SHB: variants seen among roughly 807,000 people sequenced by gnomAD.
The protein encoded by SHB is SH2 domain-containing adapter protein B.
In SHB, 20 loss-of-function variants were observed where a neutral mutation model predicts 52.3. The observed-to-expected ratio is 0.38, with a 90% CI of 0.27 to 0.56. The LOEUF (loss-of-function observed/expected upper bound fraction) is 0.56, where lower values mean the gene tolerates loss of function less well. SHB is among the 20% of genes least tolerant of loss of function. The probability of loss-of-function intolerance (pLI) is 0.71; values close to 1 mark genes in which losing one functional copy is unlikely to be tolerated. For synonymous variants in SHB, 397 were observed against 316.5 expected (o/e 1.25, Z -2.70); for missense variants, 825 against 723.3 (o/e 1.14, Z -1.61).
chr9:37,987,756 A>C (rs1820829149), intron 2 of SHB, among the ~76,000 whole-genome samples: 1 of 152,134 alleles, frequency 6.6e-6, no homozygotes. Context: ...ATCACGAGGA[A>C]GAGAGTGGCC....
chr9:38,015,178 G>A (rs1821194701), intron 2 of SHB, among the ~76,000 whole-genome samples: 1 of 152,214 alleles, frequency 6.6e-6, no homozygotes, highest in African/African-American at 2.4e-5. Flanking sequence ...CACAGGGGCA[G>A]CCTACACAGC....
At chr9:38,063,002 G>A (rs941328761) in intron 1 of SHB, among the ~76,000 whole-genome samples, 2 of 152,148 alleles carry the variant, frequency 1.3e-5, no homozygotes, top group Non-Finnish European at 2.9e-5. Context: ...TCTCCCAGTG[G>A]GACAGTGAGG....
intron 4 of SHB, among the ~76,000 whole-genome samples, chr9:37,953,838 G>C (rs944123444): frequency 1.3e-5 from 2 of 152,182 alleles, no homozygotes; most frequent in African/African-American, 4.8e-5. Context: ...AAACCCCTCG[G>C]GTGATGAGTC....
At chr9:37,993,489 C>T (rs1820909118) in intron 2 of SHB, among the ~76,000 whole-genome samples, 1 of 152,148 alleles carries the variant, frequency 6.6e-6, no homozygotes, top group South Asian at 2.1e-4. Flanking sequence ...AGCACACCAA[C>T]ATGGCACATG....
chr9:38,019,049 G>A (rs1300729271), intron 1 of SHB, among the ~76,000 whole-genome samples: 1 of 152,224 alleles, frequency 6.6e-6, no homozygotes, highest in Non-Finnish European at 1.5e-5. Flanking sequence ...CTGCAGGCCA[G>A]GCCACCTGGG....
In SHB at chr9:38,005,461, T is replaced by C. The variant is rs377143555; in HGVS notation, c.838+10550A>G. 3.4e-4 allele frequency among the ~76,000 whole-genome samples: 52 copies of C among 152,246 alleles called. No individual in the cohort carries two copies. The East Asian group carries it at 9.1e-3, about 27-fold the overall frequency. ...ACTGAACCTGAGGCACCGGCTACATTGCCGCCACCAAGGGAGGACTCAGAC... is the reference window on the plus strand; with the variant it reads ...ACTGAACCTGAGGCACCGGCTACATCGCCGCCACCAAGGGAGGACTCAGAC... On this transcript the variant is annotated intron_variant, in intron 2 of 5. Coordinates refer to ENST00000377707, the MANE Select transcript of SHB (RefSeq NM_003028.3).
At chr9:37,953,213 G>A (rs1328420851) in intron 4 of SHB, among the ~76,000 whole-genome samples, 4 of 152,112 alleles carry the variant, frequency 2.6e-5, no homozygotes, top group Non-Finnish European at 5.9e-5. Flanking sequence ...GCTGTGGTGG[G>A]TGAGAGAGAA....
At chr9:37,948,424 C>T (rs1437390986) in intron 5 of SHB, among the ~76,000 whole-genome samples, 4 of 152,132 alleles carry the variant, frequency 2.6e-5, no homozygotes, top group Non-Finnish European at 5.9e-5. Flanking sequence ...GAAAAAGGCC[C>T]CTCATCTTCT....
At chr9:37,966,293 CTT>C (rs573110863) in intron 3 of SHB, among the ~76,000 whole-genome samples, 2 of 152,200 alleles carry the variant, frequency 1.3e-5, no homozygotes, top group Non-Finnish European at 2.9e-5. Context: ...TCTATCAAAT[CTT>C]TGTTTTTTTT....
intron 3 of SHB, among the ~76,000 whole-genome samples, chr9:37,967,820 G>T (rs1448896437): frequency 6.6e-6 from 1 of 152,226 alleles, no homozygotes; most frequent in Non-Finnish European, 1.5e-5. Flanking sequence ...AGGCAAAAAA[G>T]AAATCCACAG....
chr9:38,053,124 G>A (rs569490786), intron 1 of SHB, among the ~76,000 whole-genome samples: 1 of 152,148 alleles, frequency 6.6e-6, no homozygotes, highest in Admixed American at 6.5e-5. Flanking sequence ...TTGCATCTGT[G>A]TAACATAGAC....
At chr9:38,015,594 C>T (rs1466546150) in intron 2 of SHB, 1 of 625,214 alleles carries the variant, frequency 1.6e-6, no homozygotes, top group Non-Finnish European at 2.9e-6. Flanking sequence ...CTCTCTTCTA[C>T]TAAGCAACGA....
intron 3 of SHB, among the ~76,000 whole-genome samples, chr9:37,970,845 G>A (rs1314964351): frequency 3.9e-5 from 6 of 151,926 alleles, no homozygotes; most frequent in Non-Finnish European, 4.4e-5. Flanking sequence ...CCTTTGGCAG[G>A]CCCAGGTCTG....
chr9:37,990,547 A>T (rs915342270), intron 2 of SHB, among the ~76,000 whole-genome samples: 1 of 152,186 alleles, frequency 6.6e-6, no homozygotes, highest in Non-Finnish European at 1.5e-5. Context: ...TTAAAAAAAA[A>T]TTTGTGTATT....
At chr9:37,956,195 T>C (rs998499399) in intron 3 of SHB, 141 bp from the exon 4 acceptor site, 48 of 754,602 alleles carry the variant, frequency 6.4e-5, no homozygotes, top group Non-Finnish European at 6.5e-5. Context: ...TGACATAACA[T>C]GGCACAAAAG....
At chr9:37,985,724 T>C (rs1820798096) in intron 2 of SHB, among the ~76,000 whole-genome samples, 1 of 152,226 alleles carries the variant, frequency 6.6e-6, no homozygotes, top group Non-Finnish European at 1.5e-5. Flanking sequence ...CCCTACTATG[T>C]GCCACATTAG....
chr9:37,939,857 A>T (rs1320307387), intron 5 of SHB, among the ~76,000 whole-genome samples: 1 of 152,230 alleles, frequency 6.6e-6, no homozygotes, highest in African/African-American at 2.4e-5. Flanking sequence ...ATACTATCAC[A>T]GTGTGAAAGC....
At chr9:38,000,743 TGA>T (rs1821001894) in intron 2 of SHB, among the ~76,000 whole-genome samples, 1 of 152,230 alleles carries the variant, frequency 6.6e-6, no homozygotes, top group South Asian at 2.1e-4. Flanking sequence ...CCCTCAAGGC[TGA>T]GAGGCTTTAC....
intron 1 of SHB, among the ~76,000 whole-genome samples, chr9:38,026,353 C>T (rs907774864): frequency 2.6e-5 from 4 of 152,244 alleles, no homozygotes; most frequent in African/African-American, 9.6e-5. Context: ...ATCGGGCCAG[C>T]ACAGTGCCTT....
Sources: allele counts gnomAD v4.1 joint callset (sites outside exome capture counted in the v4.1 genomes callset), GRCh38; gene constraint gnomAD v4.1.1; transcripts MANE v1.5; gene names NCBI Gene and HGNC (gene_info 2026-07-23, HGNC 2026-07-21).